The following UNC5C variants were observed in gnomAD, a reference collection of about 807,000 sequenced individuals.
UNC5C encodes unc-5 netrin receptor C, also known as netrin receptor UNC5C.
UNC5C carries 47 observed loss-of-function variants against 99.8 expected under a neutral mutation model. The observed-to-expected ratio is 0.47, with a 90% CI of 0.37 to 0.60. The LOEUF (loss-of-function observed/expected upper bound fraction) is 0.60. UNC5C is among the 20% of genes least tolerant of loss of function. The probability of loss-of-function intolerance (pLI) is 0.00; values close to 1 mark genes in which losing one functional copy is unlikely to be tolerated. For missense variants in UNC5C, 1,062 were observed against 1,165.9 expected, an observed-to-expected ratio of 0.91 and a Z score of 1.30; for synonymous variants, 487 against 452.2, an observed-to-expected ratio of 1.08 and a Z score of -0.98.
chr4:95,473,350 A>G (rs1200616609), intron 1 of UNC5C, among the ~76,000 whole-genome samples: 1 of 152,208 alleles, frequency 6.6e-6, no homozygotes, highest in African/African-American at 2.4e-5. Context: ...TTATTTTTAC[A>G]TCTGTGAATG....
chr4:95,525,101 G>C (rs1184509041), intron 1 of UNC5C, among the ~76,000 whole-genome samples: 2 of 152,172 alleles, frequency 1.3e-5, no homozygotes, highest in Non-Finnish European at 2.9e-5. Flanking sequence ...ACACAGAGTT[G>C]ATGGGATACA....
intron 14 of UNC5C, among the ~76,000 whole-genome samples, chr4:95,178,202 C>A (rs1736449437): frequency 6.6e-6 from 1 of 152,194 alleles, no homozygotes; most frequent in Non-Finnish European, 1.5e-5. Context: ...GTCTGAGCAC[C>A]ACTCACTAGT....
chr4:95,435,114 G>A (rs1307147400), intron 1 of UNC5C, among the ~76,000 whole-genome samples: 1 of 152,070 alleles, frequency 6.6e-6, no homozygotes, highest in Non-Finnish European at 1.5e-5. Context: ...CAGAGATAGA[G>A]TACAAGGAAG....
chr4:95,397,044 C>A (rs1336781648), intron 1 of UNC5C, among the ~76,000 whole-genome samples: 1 of 151,962 alleles, frequency 6.6e-6, no homozygotes, highest in African/African-American at 2.4e-5. Flanking sequence ...AGGCTGAGTG[C>A]CAGAGAAGGG....
At chr4:95,369,090 C>T (rs1367495554) in intron 1 of UNC5C, among the ~76,000 whole-genome samples, 3 of 151,932 alleles carry the variant, frequency 2.0e-5, no homozygotes, top group African/African-American at 7.2e-5. Flanking sequence ...AACTCCTGGC[C>T]TCAAGGGATC....
rs778184879 is a variant in UNC5C, at chr4:95,219,170, A to G, written c.1444T>C (p.Tyr482His). 1.9e-6 allele frequency: 3 copies of G among 1,614,148 alleles called. No homozygotes were observed. The Admixed American group carries it at 5.0e-5, about 27-fold the overall frequency. Reference sequence around the variant, plus strand: ...GGGGTGACAGCACCTGAGGTGTTGTACACTTTGATTTTCAGGTTGGGCAGT... The same window carrying G: ...GGGGTGACAGCACCTGAGGTGTTGTGCACTTTGATTTTCAGGTTGGGCAGT... ...DPLPNLKIKV[Y>H]NTSGAVTPQD... Residue 482 changes from tyrosine (Y) to histidine (H), a missense_variant, in exon 9 of 16, where the codon TAC becomes CAC. By Grantham distance (83) the Tyr-to-His change is moderately conservative. Transcript: ENST00000453304.
chr4:95,382,842 G>A (rs1028259396), intron 1 of UNC5C, among the ~76,000 whole-genome samples: 5 of 152,272 alleles, frequency 3.3e-5, no homozygotes, highest in Middle Eastern at 6.8e-3. Context: ...TGCTTTTGAT[G>A]GGTTAGCTGT....
chr4:95,463,930 A>G (rs1747690817), intron 1 of UNC5C, among the ~76,000 whole-genome samples: 1 of 152,202 alleles, frequency 6.6e-6, no homozygotes, highest in African/African-American at 2.4e-5. Flanking sequence ...TTATTAAGTC[A>G]CCAGTATTCA....
intron 1 of UNC5C, among the ~76,000 whole-genome samples, chr4:95,430,203 A>G (rs1242627791): frequency 1.3e-5 from 2 of 152,112 alleles, no homozygotes; most frequent in Admixed American, 1.3e-4. Flanking sequence ...CAACTGTAAG[A>G]AATGTACCAC....
chr4:95,294,591 C>T (rs1258024389), intron 3 of UNC5C, among the ~76,000 whole-genome samples: 1 of 152,144 alleles, frequency 6.6e-6, no homozygotes, highest in South Asian at 2.1e-4. Flanking sequence ...CATGTTCTTC[C>T]ATCCTCAGGC....
At position 95,220,149 on chromosome 4, in the gene UNC5C, A is replaced by G. The variant is rs1286445334; in HGVS notation, c.1136T>C (p.Leu379Pro). 1 of 1,613,870 alleles carries G rather than the reference A, an allele frequency of 6.2e-7. No individual in the cohort carries two copies. Among genetic ancestry groups the G allele is most frequent in the Admixed American group, 1.7e-5 (1 of 59,982 alleles). Reference sequence around the variant, plus strand: ...CACTGCTATCACAATCCCAACATAGAGAGCAACATCATCTGAATCAGGAGC... The same window carrying G: ...CACTGCTATCACAATCCCAACATAGGGAGCAACATCATCTGAATCAGGAGC... ...QTAPDSDDVA[L>P]YVGIVIAVIV... The change falls in exon 8 of 16, where the codon CTC (leucine) becomes CCC (proline). Residue 379 changes from leucine (L) to proline (P), a missense_variant. Leu to Pro is a moderately conservative substitution (Grantham distance 98). This residue lies in a region of UNC5C where 810 missense variants were observed against 854.5 expected (regional missense o/e 0.95). Coordinates refer to ENST00000453304, the MANE Select transcript of UNC5C (RefSeq NM_003728.4).
chr4:95,172,333 G>C (rs906920121), intron 14 of UNC5C, among the ~76,000 whole-genome samples: 1 of 150,696 alleles, frequency 6.6e-6, no homozygotes, highest in Non-Finnish European at 1.5e-5. Flanking sequence ...GTCCTGAATG[G>C]TAATGCCTAG....
At chr4:95,446,322 C>T (rs1238418700) in intron 1 of UNC5C, among the ~76,000 whole-genome samples, 2 of 152,038 alleles carry the variant, frequency 1.3e-5, no homozygotes, top group Admixed American at 6.6e-5. Flanking sequence ...TTATCTGACT[C>T]GATCCACGGA....
At chr4:95,483,112 A>G (rs1721218637) in intron 1 of UNC5C, among the ~76,000 whole-genome samples, 2 of 151,046 alleles carry the variant, frequency 1.3e-5, no homozygotes, top group South Asian at 4.2e-4. Context: ...ACCTTCTGCT[A>G]ATCGTATATG....
chr4:95,454,400 C>T (rs1380536570), intron 1 of UNC5C, among the ~76,000 whole-genome samples: 1 of 151,930 alleles, frequency 6.6e-6, no homozygotes, highest in East Asian at 1.9e-4. Flanking sequence ...ATACCTAGAG[C>T]AAGTTTAATG....
intron 1 of UNC5C, among the ~76,000 whole-genome samples, chr4:95,342,344 T>G (rs1360704931): frequency 6.6e-6 from 1 of 152,004 alleles, no homozygotes; most frequent in Non-Finnish European, 1.5e-5. Context: ...GATAGGGTAC[T>G]GGGCAGTCCT....
intron 1 of UNC5C, among the ~76,000 whole-genome samples, chr4:95,361,830 AC>A (rs1744401769): frequency 6.6e-6 from 1 of 152,178 alleles, no homozygotes; most frequent in African/African-American, 2.4e-5. Context: ...GCTGAATCAT[AC>A]TGAACCAAAG....
At chr4:95,346,992 T>C (rs1287442627) in intron 1 of UNC5C, among the ~76,000 whole-genome samples, 1 of 152,012 alleles carries the variant, frequency 6.6e-6, no homozygotes, top group Admixed American at 6.6e-5. Context: ...TGTTTGCAGA[T>C]GAGATGATCA....
chr4:95,430,906 A>G (rs1746618368), intron 1 of UNC5C, among the ~76,000 whole-genome samples: 1 of 152,112 alleles, frequency 6.6e-6, no homozygotes, highest in Non-Finnish European at 1.5e-5. Flanking sequence ...CTAAATCTTG[A>G]ACATGGCTTT....
Sources: allele counts gnomAD v4.1 joint callset (sites outside exome capture counted in the v4.1 genomes callset), GRCh38; gene constraint gnomAD v4.1.1; regional missense constraint gnomAD v4.1.1; transcripts MANE v1.5; gene names NCBI Gene and HGNC (gene_info 2026-07-23, HGNC 2026-07-21).